KRABD3: variants seen among roughly 807,000 people sequenced by gnomAD.
The protein encoded by KRABD3 is KRAB domain containing 3, also known as KRAB domain-containing protein 3.
At chr7:149,715,074 A>T in the KRABD3 span, 1 of 1,230,550 alleles carries the variant, frequency 8.1e-7, no homozygotes. Context: ...CAGGTAAGGC[A>T]GGCGGACGCG....
chr7:149,733,827 A>G, the KRABD3 span: 9 of 1,604,070 alleles, frequency 5.6e-6, no homozygotes, highest in Non-Finnish European at 7.7e-6. Context: ...GGGGGCCACC[A>G]GAGCCCCCTT....
chr7:149,733,293 C>T, the KRABD3 span: 21 of 1,612,474 alleles, frequency 1.3e-5, no homozygotes, highest in African/African-American at 1.5e-4. Context: ...CCGGAAGCTG[C>T]GCCTCCTGTG....
At chr7:149,733,142 AC>A in the KRABD3 span, 1 of 1,518,816 alleles carries the variant, frequency 6.6e-7, no homozygotes, top group African/African-American at 1.4e-5. Context: ...GGTTCATGGG[AC>A]CTCTGGGGAG....
At chr7:149,724,496 C>T in the KRABD3 span, among the ~76,000 whole-genome samples, 6 of 152,278 alleles carry the variant, frequency 3.9e-5, no homozygotes, top group Non-Finnish European at 7.4e-5. Context: ...ACTCAGGTCT[C>T]TGCTGGTGAT....
the KRABD3 span, among the ~76,000 whole-genome samples, chr7:149,726,261 ACTTGT>A: frequency 6.6e-6 from 1 of 152,076 alleles, no homozygotes; most frequent in Non-Finnish European, 1.5e-5. Flanking sequence ...CGTTTTAGTG[ACTTGT>A]CTTAGAAGGG....
At chr7:149,730,219 T>C in the KRABD3 span, 1 of 1,572,176 alleles carries the variant, frequency 6.4e-7, no homozygotes, top group Non-Finnish European at 8.6e-7. Flanking sequence ...GTAAGGCCCT[T>C]GCGCTTCGCC....
At chr7:149,733,024 A>G in the KRABD3 span, among the ~76,000 whole-genome samples, 1 of 152,184 alleles carries the variant, frequency 6.6e-6, no homozygotes, top group African/African-American at 2.4e-5. Flanking sequence ...CAGGAGACAT[A>G]GCCAGTTTTC....
the KRABD3 span, chr7:149,722,863 G>A: frequency 1.3e-5 from 21 of 1,613,532 alleles, no homozygotes; most frequent in African/African-American, 9.3e-5. Context: ...CCGGCACCCC[G>A]AGACATCCCC....
chr7:149,724,520 C>G, the KRABD3 span: 1 of 553,720 alleles, frequency 1.8e-6, no homozygotes, highest in Non-Finnish European at 3.0e-6. Flanking sequence ...CAAGTGACAG[C>G]AGTCTGAGCC....
the KRABD3 span, chr7:149,724,984 C>G: frequency 2.6e-6 from 2 of 760,902 alleles, no homozygotes; most frequent in South Asian, 4.3e-5. Flanking sequence ...CAGTGAATCC[C>G]TTCATCCACA....
chr7:149,730,338 C>G, the KRABD3 span: 1 of 1,542,530 alleles, frequency 6.5e-7, no homozygotes, highest in Non-Finnish European at 8.8e-7. Flanking sequence ...GCCGCTCCCC[C>G]AGGGTGAGCC....
At chr7:149,733,714 G>T in the KRABD3 span, 1 of 1,581,722 alleles carries the variant, frequency 6.3e-7, no homozygotes, top group Non-Finnish European at 8.6e-7. Flanking sequence ...ACGCTCCCCC[G>T]GCAGAACCTC....
chr7:149,733,657 A>G, the KRABD3 span: 2,712 of 1,588,426 alleles, frequency 1.7e-3, 37 homozygotes, highest in South Asian at 0.013. Flanking sequence ...GTGACCTGCA[A>G]GGACTCTCCA....
At chr7:149,719,574 T>C in the KRABD3 span, 2 of 1,602,696 alleles carry the variant, frequency 1.2e-6, no homozygotes, top group Non-Finnish European at 1.7e-6. The surrounding 1 kb of genome is among the most constrained non-coding windows in gnomAD (Gnocchi z 5.6). Context: ...GACTTGGCCG[T>C]GCGGTTCTCG....
chr7:149,717,836 T>A, the KRABD3 span, among the ~76,000 whole-genome samples: 1 of 151,882 alleles, frequency 6.6e-6, no homozygotes, highest in Non-Finnish European at 1.5e-5. Context: ...CAGTTTTTTG[T>A]TTTTCTTGAA....
At chr7:149,723,964 GC>G in the KRABD3 span, 1 of 1,518,090 alleles carries the variant, frequency 6.6e-7, no homozygotes, top group East Asian at 2.3e-5. Flanking sequence ...GCTGTAGGTG[GC>G]CCCCACCACA....
the KRABD3 span, chr7:149,731,866 A>C: frequency 1.2e-6 from 1 of 864,790 alleles, no homozygotes; most frequent in African/African-American, 1.7e-5. Context: ...TCAGTGTTTG[A>C]GTGATGGGTA....
At chr7:149,720,687 C>G in the KRABD3 span, 3,449 of 871,418 alleles carry the variant, frequency 4.0e-3, 81 homozygotes, top group African/African-American at 0.042. Flanking sequence ...CCCAGGTCCT[C>G]TATATCTCAT....
the KRABD3 span, among the ~76,000 whole-genome samples, chr7:149,715,985 G>C: frequency 2.6e-5 from 4 of 152,332 alleles, no homozygotes; most frequent in East Asian, 7.7e-4. Flanking sequence ...TTTCAGATCT[G>C]ATGAGGGGAA....
Sources: gnomAD v4.1 joint callset for allele counts (sites outside exome capture counted in the v4.1 genomes callset) on GRCh38, gnomAD v4.1.1 for gene constraint, Gnocchi (gnomAD v3.1) non-coding constraint, MANE v1.5 for transcripts, NCBI Gene and HGNC (gene_info 2026-07-23, HGNC 2026-07-21) for gene names.